The following RBFOX1 variants were observed in gnomAD, a reference collection of about 807,000 sequenced individuals.
The protein encoded by RBFOX1 is RNA binding fox-1 homolog 1.
Under a neutral mutation model 57.7 loss-of-function variants are expected in RBFOX1, and 8 were observed. The observed-to-expected ratio is 0.14, with a 90% confidence interval of 0.08 to 0.25. The LOEUF (loss-of-function observed/expected upper bound fraction) is 0.25. Among genes scored for constraint, RBFOX1 ranks in the 10% least tolerant of loss-of-function variants. The pLI, the probability that RBFOX1 is intolerant of heterozygous loss-of-function variation, is 1.00. For synonymous variants in RBFOX1, 326 were observed against 222.4 expected (o/e 1.47, Z -4.15); for missense variants, 611 against 548.5 (o/e 1.11, Z -1.14).
intron 4 of RBFOX1, among the ~76,000 whole-genome samples, chr16:7,220,333 T>C (rs959787874): frequency 1.3e-5 from 2 of 152,188 alleles, no homozygotes; most frequent in African/African-American, 2.4e-5. Flanking sequence ...ATTTCTAAAC[T>C]TGGTGTCATT....
At chr16:5,511,900 A>G (rs1324972999) in intron 2 of RBFOX1, among the ~76,000 whole-genome samples, 1 of 152,220 alleles carries the variant, frequency 6.6e-6, no homozygotes, top group Non-Finnish European at 1.5e-5. Flanking sequence ...TGTATAAAGT[A>G]CCAGATATTA....
intron 3 of RBFOX1, among the ~76,000 whole-genome samples, chr16:5,827,291 T>C (rs925288286): frequency 3.4e-5 from 5 of 148,870 alleles, no homozygotes; most frequent in African/African-American, 1.2e-4. Context: ...TCCCAGCTAC[T>C]AGGGAGGCTG....
chr16:7,099,828 G>C (rs929930452), intron 4 of RBFOX1, among the ~76,000 whole-genome samples: 2 of 152,162 alleles, frequency 1.3e-5, no homozygotes, highest in South Asian at 2.1e-4. Context: ...TTTCAATAAA[G>C]GGTTATGGAG....
At chr16:6,556,591 A>G (rs116094776) in intron 2 of RBFOX1, among the ~76,000 whole-genome samples, 140 of 152,294 alleles carry the variant, frequency 9.2e-4, no homozygotes, top group African/African-American at 3.2e-3. Flanking sequence ...CATTTTCCAG[A>G]TTGAATTTTA....
chr16:7,102,147 A>G (rs185236861), intron 4 of RBFOX1, among the ~76,000 whole-genome samples: 63 of 152,320 alleles, frequency 4.1e-4, no homozygotes, highest in Admixed American at 9.1e-4. Flanking sequence ...TTAGAAAAGA[A>G]ACACTCCTCT....
intron 4 of RBFOX1, among the ~76,000 whole-genome samples, chr16:7,507,752 A>T (rs2073845390): frequency 2.0e-5 from 3 of 151,208 alleles, no homozygotes; most frequent in African/African-American, 4.9e-5. Context: ...TTTAGTAGAG[A>T]CGCGGTTTCA....
chr16:6,680,664 C>G (rs1005890447), intron 3 of RBFOX1, among the ~76,000 whole-genome samples: 1 of 152,148 alleles, frequency 6.6e-6, no homozygotes, highest in Non-Finnish European at 1.5e-5. Context: ...TAGTTTTCCA[C>G]TATCAAAGTT....
intron 1 of RBFOX1, among the ~76,000 whole-genome samples, chr16:6,041,363 G>T (rs2095434410): frequency 1.3e-5 from 2 of 152,088 alleles, no homozygotes; most frequent in African/African-American, 4.8e-5. Flanking sequence ...AGATATCAAA[G>T]AATTTTCAGA....
intron 3 of RBFOX1, among the ~76,000 whole-genome samples, chr16:5,749,641 C>T (rs2053119045): frequency 6.6e-6 from 1 of 152,246 alleles, no homozygotes; most frequent in Non-Finnish European, 1.5e-5. Context: ...GATACCCTTT[C>T]TTCCAGTTGA....
intron 4 of RBFOX1, among the ~76,000 whole-genome samples, chr16:7,127,129 G>A (rs567504344): frequency 6.6e-6 from 1 of 152,092 alleles, no homozygotes; most frequent in Non-Finnish European, 1.5e-5. Context: ...CATAAATGGT[G>A]GCTGGTGTTC....
chr16:6,775,935 G>T (rs549803240), intron 3 of RBFOX1: 1 of 152,316 alleles, frequency 6.6e-6, no homozygotes, highest in South Asian at 2.1e-4. Flanking sequence ...GTGGGTGACG[G>T]GGAATGGCTA....
intron 2 of RBFOX1, among the ~76,000 whole-genome samples, chr16:5,558,608 G>A (rs2045770965): frequency 6.6e-6 from 1 of 152,124 alleles, no homozygotes; most frequent in Admixed American, 6.5e-5. Flanking sequence ...TTGTCAAGGG[G>A]ATTCTGAACA....
chr16:7,012,150 A>G (rs1185104751), intron 3 of RBFOX1, among the ~76,000 whole-genome samples: 1 of 152,214 alleles, frequency 6.6e-6, no homozygotes, highest in Non-Finnish European at 1.5e-5. Flanking sequence ...ATAGGATGAG[A>G]CTATGATCAC....
At chr16:6,679,641 T>G (rs1310673311) in intron 3 of RBFOX1, among the ~76,000 whole-genome samples, 1 of 152,186 alleles carries the variant, frequency 6.6e-6, no homozygotes, top group Non-Finnish European at 1.5e-5. Context: ...GAGCATCTCC[T>G]TTGCTCAAAA....
chr16:6,589,862 C>G (rs1159268100), intron 2 of RBFOX1, among the ~76,000 whole-genome samples: 1 of 152,278 alleles, frequency 6.6e-6, no homozygotes, highest in East Asian at 1.9e-4. Flanking sequence ...TAGGTCATAC[C>G]TCTCTTTCAC....
chr16:7,025,528 TC>T (rs1447147944), intron 3 of RBFOX1, among the ~76,000 whole-genome samples: 1 of 152,116 alleles, frequency 6.6e-6, no homozygotes, highest in Non-Finnish European at 1.5e-5. Context: ...TTGCTCTGGT[TC>T]AAACACCTCT....
At chr16:5,693,970 G>A (rs2050771956) in intron 3 of RBFOX1, among the ~76,000 whole-genome samples, 1 of 152,168 alleles carries the variant, frequency 6.6e-6, no homozygotes, top group Admixed American at 6.5e-5. Flanking sequence ...AGTTAGAGTA[G>A]ACATCTTGTC....
intron 4 of RBFOX1, among the ~76,000 whole-genome samples, chr16:7,191,682 C>T (rs181676726): frequency 2.2e-3 from 340 of 152,324 alleles, no homozygotes; most frequent in African/African-American, 7.9e-3. Context: ...AGGGCATGCT[C>T]ACGATTAAAT....
intron 3 of RBFOX1, among the ~76,000 whole-genome samples, chr16:5,812,376 T>C (rs1738119075): frequency 6.6e-6 from 1 of 152,160 alleles, no homozygotes; most frequent in Non-Finnish European, 1.5e-5. Flanking sequence ...TCCAGAGTGG[T>C]TGAACCATGT....
Sources: gnomAD v4.1 joint callset for allele counts (sites outside exome capture counted in the v4.1 genomes callset) on GRCh38, gnomAD v4.1.1 for gene constraint, MANE v1.5 for transcripts, NCBI Gene and HGNC (gene_info 2026-07-23, HGNC 2026-07-21) for gene names.